Variants in PDE4A observed in about 807,000 individuals in gnomAD.
PDE4A encodes the protein phosphodiesterase 4A.
A neutral mutation model predicts 73.9 loss-of-function variants in PDE4A; 21 were observed. That is an observed-to-expected ratio of 0.28 (90% CI 0.20 to 0.41). PDE4A has a LOEUF of 0.41. PDE4A is among the 10% of genes least tolerant of loss of function. The pLI is 1.00. For synonymous variants in PDE4A, 463 were observed against 505.4 expected (o/e 0.92, Z 1.13); for missense variants, 958 against 1,211.4 (o/e 0.79, Z 3.10).
intron 1 of PDE4A, chr19:10,431,008 C>T (rs772476359): frequency 4.1e-5 from 64 of 1,578,890 alleles, no homozygotes; most frequent in Non-Finnish European, 5.2e-5. Context: ...TTCGCCAGCC[C>T]GTCCCCAACT....
In PDE4A at chr19:10,432,345, G is replaced by A. The variant is rs1434050756; in HGVS notation, c.320+11261G>A. On this transcript the variant is annotated intron_variant, in intron 1 of 14. Transcript: ENST00000380702. ...CGTGGAGGCGGTGCCGGCAGTGGAG[G>A]CCGCAGACACCTTGGGCCTGGCCAG... The A allele has an allele frequency of 2.3e-6, 3 of 1,282,080 alleles. No individual in the cohort carries two copies. In the African/African-American group the frequency reaches 4.7e-5, roughly 20 times the overall value. The allele number at this position is 1,282,080 out of a possible 1,614,324, so 79.4% of individuals were successfully genotyped here. A position where few individuals can be genotyped will look rare whatever the true frequency, so the allele number is the denominator to read the frequency against.
chr19:10,436,857 T>C (rs967499295), intron 1 of PDE4A, among the ~76,000 whole-genome samples: 2 of 151,932 alleles, frequency 1.3e-5, no homozygotes, highest in African/African-American at 4.8e-5. Flanking sequence ...CTGGCCAACA[T>C]GGTGAAACCC....
chr19:10,420,151 C>T (rs1261083531), upstream of PDE4A: 1 of 153,104 alleles, frequency 6.5e-6, no homozygotes, highest in Non-Finnish European at 1.5e-5. This position sits in a 1 kb window ranked among gnomAD's most constrained non-coding sequence, Gnocchi z 6.0. Context: ...AAAACTGCCC[C>T]CCGCCAGGGG....
In PDE4A at chr19:10,420,669, C is replaced by A. The variant is rs2042637259; in HGVS notation, c.-96C>A. 1 of 1,367,144 alleles carries A rather than the reference C, an allele frequency of 7.3e-7. No homozygotes were observed. The highest frequency in any genetic ancestry group is 1.5e-5 in the African/African-American group (1 of 64,880). 84.7% of individuals were successfully genotyped at this position (1,367,144 alleles called of 1,614,324 possible). On this transcript the variant is annotated 5_prime_UTR_variant, in exon 1 of 15. Coordinates refer to ENST00000380702, the MANE Select transcript of PDE4A (RefSeq NM_001111307.2). The surrounding 1 kb of genome is among the most constrained non-coding windows in gnomAD (Gnocchi z 6.0). Reference sequence around the variant, plus strand: ...CATGGCCCTACCGCGGCCGGGCGCACCCGCGGGGCCCTGGGCTCGCTGGCT... The same window carrying A: ...CATGGCCCTACCGCGGCCGGGCGCAACCGCGGGGCCCTGGGCTCGCTGGCT...
chr19:10,417,688 G>C (rs1599390387), upstream of PDE4A: 6 of 1,595,660 alleles, frequency 3.8e-6, no homozygotes, highest in East Asian at 1.3e-4. Context: ...GAATCCGACC[G>C]TGCCAACATG....
intron 10 of PDE4A, 133 bp from the exon 11 acceptor site, chr19:10,460,871 A>G (rs1011236844): frequency 1.4e-4 from 125 of 863,178 alleles, no homozygotes; most frequent in Non-Finnish European, 1.8e-4. Context: ...GATGGCCTCG[A>G]ACTTCTGGCC....
At position 10,467,512 on chromosome 19, in the gene PDE4A, A is replaced by G; in HGVS notation, c.2552A>G (p.Glu851Gly). 1.2e-6 allele frequency: 2 copies of G among 1,612,520 alleles called. No homozygotes were observed. Among genetic ancestry groups the G allele is most frequent in the Non-Finnish European group, 1.7e-6 (2 of 1,179,720 alleles). Residue 851 changes from glutamate (E) to glycine (G), a missense_variant, in exon 15 of 15, where the codon GAG becomes GGG. By Grantham distance (98) the Glu-to-Gly change is moderately conservative. Transcript: ENST00000380702. ...STAAEVEAQREHQAAKRACSA... is the reference protein window; with the variant it reads ...STAAEVEAQRGHQAAKRACSA... Reference sequence around the variant, plus strand: ...GCGGCCGAGGTGGAGGCCCAACGAGAGCACCAGGCTGCCAAGAGGGCTTGC... The same window carrying G: ...GCGGCCGAGGTGGAGGCCCAACGAGGGCACCAGGCTGCCAAGAGGGCTTGC...
chr19:10,417,001 AGGGGCTTGGGCTAGGGGC>A (rs971527240), upstream of PDE4A: 40 of 1,537,824 alleles, frequency 2.6e-5, no homozygotes, highest in Non-Finnish European at 3.4e-5. Flanking sequence ...GTGCGAGAGG[AGGGGCTTGGGCTAGGGGC>A]GGGGCTTCGC....
intron 1 of PDE4A, among the ~76,000 whole-genome samples, chr19:10,422,340 C>T (rs2042661689): frequency 6.6e-6 from 1 of 152,144 alleles, no homozygotes; most frequent in Admixed American, 6.5e-5. Context: ...CACGTCTGAG[C>T]GTCGGTGCTC....
At chr19:10,450,782 C>T in intron 5 of PDE4A, 47 bp from the exon 6 acceptor site, 1 of 1,580,704 alleles carries the variant, frequency 6.3e-7, no homozygotes, top group Non-Finnish European at 8.6e-7. Context: ...CTCTGGGCTT[C>T]TGCCTACAGA....
intron 1 of PDE4A, among the ~76,000 whole-genome samples, chr19:10,437,088 C>T (rs903057343): frequency 6.6e-6 from 1 of 152,136 alleles, no homozygotes; most frequent in Non-Finnish European, 1.5e-5. Context: ...AAGGTCCAAG[C>T]TGATGATCTA....
intron 1 of PDE4A, among the ~76,000 whole-genome samples, chr19:10,440,145 T>C (rs926643531): frequency 1.8e-4 from 27 of 151,800 alleles, no homozygotes; most frequent in African/African-American, 6.5e-4. Flanking sequence ...CCACCACACC[T>C]AGCTAATTTT....
In PDE4A at chr19:10,454,877, A is replaced by G. The variant is rs28395786; in HGVS notation, c.832A>G (p.Arg278Gly). The G allele has an allele frequency of 6.2e-7, 1 of 1,614,182 alleles. No homozygotes were observed. The highest frequency in any genetic ancestry group is 8.5e-7 in the Non-Finnish European group (1 of 1,180,014). The change falls in exon 7 of 15, where the codon AGG becomes GGG. Residue 278 changes from arginine to glycine, a missense_variant. By Grantham distance (125) the Arg-to-Gly change is moderately radical. This residue lies in a region of PDE4A where 570 missense variants were observed against 827.7 expected (regional missense o/e 0.69). Transcript: ENST00000380702. ...GCTCACACACCTGTCAGAAATGAGC[A>G]GGTCCGGAAACCAGGTCTCAGAGTA... ...RELTHLSEMSRSGNQVSEYIS... is the reference protein window; with the variant it reads ...RELTHLSEMSGSGNQVSEYIS...
chr19:10,451,289 G>C (rs2043087617), intron 6 of PDE4A, among the ~76,000 whole-genome samples: 1 of 152,172 alleles, frequency 6.6e-6, no homozygotes, highest in African/African-American at 2.4e-5. Flanking sequence ...GCAGCTTCAA[G>C]GCTTGAAGCT....
intron 1 of PDE4A, among the ~76,000 whole-genome samples, chr19:10,440,181 C>T (rs1283431090): frequency 6.6e-6 from 1 of 151,704 alleles, no homozygotes; most frequent in Non-Finnish European, 1.5e-5. Context: ...GACAGGGTTT[C>T]GGTATGTTGG....
intron 14 of PDE4A, 90 bp downstream of exon 14, chr19:10,464,065 C>A: frequency 6.6e-7 from 1 of 1,514,596 alleles, no homozygotes; most frequent in South Asian, 1.2e-5. Context: ...AGCTCCTCCC[C>A]TGCCTTTCCA....
At chr19:10,459,797 C>G in intron 10 of PDE4A, 38 bp downstream of exon 10, 1 of 1,565,232 alleles carries the variant, frequency 6.4e-7, no homozygotes, top group Non-Finnish European at 8.7e-7. Flanking sequence ...CCCCATCTCT[C>G]TTTGTGACTG....
intron 1 of PDE4A, among the ~76,000 whole-genome samples, chr19:10,429,894 G>A (rs1302946868): frequency 6.6e-6 from 1 of 152,096 alleles, no homozygotes; most frequent in Non-Finnish European, 1.5e-5. Flanking sequence ...CAGCACTTGT[G>A]GGGGCATCTC....
At chr19:10,446,137 C>T (rs1361872858) in intron 1 of PDE4A, 81 bp from the exon 2 acceptor site, 18 of 1,499,906 alleles carry the variant, frequency 1.2e-5, no homozygotes, top group African/African-American at 1.4e-5. Context: ...CGTGAGCCAC[C>T]GCACCCGGCC....
Sources: gnomAD v4.1 joint callset for allele counts (sites outside exome capture counted in the v4.1 genomes callset) on GRCh38, gnomAD v4.1.1 for gene constraint, gnomAD v4.1.1 regional missense constraint, Gnocchi (gnomAD v3.1) non-coding constraint, MANE v1.5 for transcripts, NCBI Gene and HGNC (gene_info 2026-07-23, HGNC 2026-07-21) for gene names.